Variants in NSUN7 observed in about 807,000 individuals in gnomAD.
NSUN7 encodes the protein protein NSUN7.
Under a neutral mutation model 58.5 loss-of-function variants are expected in NSUN7, and 39 were observed. The observed-to-expected ratio is 0.67, with a 90% CI of 0.52 to 0.87. The LOEUF (loss-of-function observed/expected upper bound fraction) is 0.87. Among genes scored for constraint, NSUN7 ranks in the 40% least tolerant of loss-of-function variants. The probability of loss-of-function intolerance (pLI) is 0.00; values close to 1 mark genes in which losing one functional copy is unlikely to be tolerated. For missense variants in NSUN7, 765 were observed against 844.1 expected (o/e 0.91, Z 1.16); for synonymous variants, 278 against 303.7 (o/e 0.92, Z 0.88).
intron 4 of NSUN7, among the ~76,000 whole-genome samples, chr4:40,764,403 A>G (rs1018267464): frequency 5.3e-5 from 8 of 151,990 alleles, no homozygotes; most frequent in Non-Finnish European, 1.0e-4. Context: ...TACAAAGAAC[A>G]TGAACTCATC....
At chr4:40,779,069 G>A (rs572098292) in intron 7 of NSUN7, among the ~76,000 whole-genome samples, 1 of 152,028 alleles carries the variant, frequency 6.6e-6, no homozygotes, top group African/African-American at 2.4e-5. Flanking sequence ...GGCTCATGCT[G>A]GTAATCCCAG....
At position 40,774,394 on chromosome 4, in the gene NSUN7, T is replaced by A; in HGVS notation, c.618T>A (p.Ala206=). ...ELRASTLPLY[A]WINTCKISPE... ...GGGCCTCCACTTTACCACTTTATGC[T>A]TGGATAAATACTTGTAAAATCAGGT... Residue 206 remains alanine (A), a synonymous_variant, in exon 5 of 12, where the codon GCT becomes GCA. Coordinates refer to ENST00000381782, the MANE Select transcript of NSUN7 (RefSeq NM_024677.6). 2 of 1,613,752 alleles carry A rather than the reference T, an allele frequency of 1.2e-6. No homozygotes were observed. The highest frequency in any genetic ancestry group is 1.7e-6 in the Non-Finnish European group (2 of 1,179,722).
chr4:40,761,221 T>C lies in NSUN7; in HGVS notation c.408T>C (p.Asp136=), dbSNP rs753593424. 6.3e-7 allele frequency: 1 copy of C among 1,584,078 alleles called. No homozygotes were observed. Among genetic ancestry groups the C allele is most frequent in the Non-Finnish European group, 8.5e-7 (1 of 1,170,734 alleles). ...TTGTGATGCTATATGATTTCCAAGA[T>C]AGAAAATTTCAAACTCGTGTCCTTT... ...LIIVMLYDFQ[D]RKFQTRVLSD... is the part of the protein sequence containing the mutation. The change falls in exon 4 of 12, where the codon GAT becomes GAC. Residue 136 remains aspartate, a synonymous_variant. Transcript: ENST00000381782.
intron 2 of NSUN7, among the ~76,000 whole-genome samples, chr4:40,754,252 A>G (rs1438032944): frequency 2.0e-5 from 3 of 151,832 alleles, no homozygotes; most frequent in Non-Finnish European, 4.4e-5. Flanking sequence ...GGTTCAAGCA[A>G]TTCTCTGCCT....
At chr4:40,782,734 T>C (rs1159351526) in intron 7 of NSUN7, among the ~76,000 whole-genome samples, 2 of 152,052 alleles carry the variant, frequency 1.3e-5, no homozygotes, top group African/African-American at 4.8e-5. Flanking sequence ...CCAGCCATGG[T>C]GGCACATGCC....
chr4:40,757,974 G>A (rs984516071), intron 2 of NSUN7, among the ~76,000 whole-genome samples: 1 of 151,982 alleles, frequency 6.6e-6, no homozygotes, highest in African/African-American at 2.4e-5. Context: ...AAGCCAGAGT[G>A]CAATGTCACG....
chr4:40,755,977 T>TG (rs1373394963), intron 2 of NSUN7, among the ~76,000 whole-genome samples: 1 of 152,142 alleles, frequency 6.6e-6, no homozygotes, highest in Non-Finnish European at 1.5e-5. Context: ...GCATTTTTAT[T>TG]GGGGGGTCAG....
At chr4:40,800,165 CTT>C (rs780459136) in intron 10 of NSUN7, among the ~76,000 whole-genome samples, 1 of 152,154 alleles carries the variant, frequency 6.6e-6, no homozygotes, top group Non-Finnish European at 1.5e-5. Flanking sequence ...GACTTAAAAT[CTT>C]TACTCACTTG....
At chr4:40,801,036 G>A (rs1011148576) in intron 10 of NSUN7, among the ~76,000 whole-genome samples, 1 of 136,218 alleles carries the variant, frequency 7.3e-6, no homozygotes. Context: ...AGGAGGAGAG[G>A]AAGGGAGAAA....
rs762748442 is a variant in NSUN7, at chr4:40,802,855, T to A, written c.1400+3951T>A. Among the ~76,000 whole-genome samples, 29 of 150,818 alleles carry A rather than the reference T, an allele frequency of 1.9e-4. No individual in the cohort carries two copies. The East Asian group carries it at 4.5e-3, about 23-fold the overall frequency. On this transcript the variant is annotated intron_variant, in intron 10 of 11. Transcript: ENST00000381782. ...GCACAATGTGCAGGTTAGTTACATA[T>A]GTATACATGTGCCATGCTGGTGTGC... is the stretch of plus-strand genomic sequence containing the variant.
chr4:40,785,984 G>A (rs1286499587), intron 7 of NSUN7: 2 of 1,304,820 alleles, frequency 1.5e-6, no homozygotes, highest in Admixed American at 2.6e-5. Flanking sequence ...CCAGCGGCTG[G>A]GAGAGACGCT....
In NSUN7 at chr4:40,810,559, C is replaced by T. The variant is rs1396504937; in HGVS notation, c.*1620C>T. ...CCCCACTGCACTCCAGCCTGGGAAGCAGAGTGAGACCTTGCCTCAAAAAAA... is the reference window on the plus strand; with the variant it reads ...CCCCACTGCACTCCAGCCTGGGAAGTAGAGTGAGACCTTGCCTCAAAAAAA... On this transcript the variant is annotated 3_prime_UTR_variant, in exon 12 of 12. Coordinates refer to ENST00000381782, the MANE Select transcript of NSUN7 (RefSeq NM_024677.6). 8.6e-6 allele frequency: 1 copy of T among 115,638 alleles called. No homozygotes were observed. The highest frequency in any genetic ancestry group is 2.3e-4 in the East Asian group (1 of 4,308). The allele number at this position is 115,638 out of a possible 1,614,324, so 7.2% of individuals were successfully genotyped here.
intron 10 of NSUN7, among the ~76,000 whole-genome samples, chr4:40,800,486 C>A (rs11722129): frequency 0.27 from 41,699 of 151,850 alleles, 6,096 homozygotes; most frequent in Non-Finnish European, 0.32. Flanking sequence ...ATTACAGACA[C>A]GTGGTACTTC....
Position 40,810,599 on chromosome 4 carries a change from A to AAAAAAG in NSUN7, c.*1662_*1663insAAAGAA, listed in dbSNP as rs1319566525. Reference sequence around the variant, plus strand: ...CCTCAAAAAAAAAAAAAAAAAAAAAAAAGTGTCAATGAAGAAAGGAAACAA... The same window carrying AAAAAAG: ...CCTCAAAAAAAAAAAAAAAAAAAAAAAAAAAGAAGTGTCAATGAAGAAAGGAAACAA... On this transcript the variant is annotated 3_prime_UTR_variant, in exon 12 of 12. Coordinates refer to ENST00000381782, the MANE Select transcript of NSUN7 (RefSeq NM_024677.6). The AAAAAAG allele has an allele frequency of 1.3e-5, 2 of 151,674 alleles. No individual in the cohort carries two copies. Among genetic ancestry groups the AAAAAAG allele is most frequent in the Non-Finnish European group, 2.9e-5 (2 of 67,898 alleles). The allele number at this position is 151,674 out of a possible 1,614,324, so 9.4% of individuals were successfully genotyped here.
At chr4:40,768,047 A>C (rs1741820617) in intron 4 of NSUN7, among the ~76,000 whole-genome samples, 1 of 152,194 alleles carries the variant, frequency 6.6e-6, no homozygotes, top group Non-Finnish European at 1.5e-5. Context: ...GTAGCCAATG[A>C]AGTGGTATTC....
At chr4:40,751,079 T>A in intron 2 of NSUN7, 88 bp downstream of exon 2, 1 of 1,442,332 alleles carries the variant, frequency 6.9e-7, no homozygotes, top group Non-Finnish European at 9.5e-7. Flanking sequence ...TCCCTTCCCC[T>A]CATTCACACC....
At chr4:40,761,064 C>A in intron 3 of NSUN7, 107 bp from the exon 4 acceptor site, 2 of 843,434 alleles carry the variant, frequency 2.4e-6, no homozygotes, top group Non-Finnish European at 3.7e-6. Flanking sequence ...TAAAAATAGT[C>A]GTATTCCTGC....
At chr4:40,769,814 C>T (rs1741911354) in intron 4 of NSUN7, among the ~76,000 whole-genome samples, 1 of 152,192 alleles carries the variant, frequency 6.6e-6, no homozygotes, top group Non-Finnish European at 1.5e-5. Flanking sequence ...AAACTCTTCA[C>T]CTGTTTCACT....
chr4:40,777,266 C>T (rs1192298855), intron 7 of NSUN7, among the ~76,000 whole-genome samples: 2 of 152,172 alleles, frequency 1.3e-5, no homozygotes, highest in Non-Finnish European at 2.9e-5. Flanking sequence ...AAAGTAAATT[C>T]CCTCTGGAGG....
Sources: allele counts gnomAD v4.1 joint callset (sites outside exome capture counted in the v4.1 genomes callset), GRCh38; gene constraint gnomAD v4.1.1; transcripts MANE v1.5; gene names NCBI Gene and HGNC (gene_info 2026-07-23, HGNC 2026-07-21).